The following RNF130 variants were observed in gnomAD, a reference collection of about 807,000 sequenced individuals.
RNF130 encodes the protein ring finger protein 130, also known as E3 ubiquitin-protein ligase RNF130.
A neutral mutation model predicts 44.6 loss-of-function variants in RNF130; 21 were observed. The observed-to-expected ratio is 0.47, with a 90% CI of 0.33 to 0.68. The LOEUF is 0.68. Among genes scored for constraint, RNF130 ranks in the 30% least tolerant of loss-of-function variants. The pLI is 0.02. For synonymous variants in RNF130, 214 were observed against 210.4 expected (o/e 1.02, Z -0.15); for missense variants, 479 against 560.6 (o/e 0.85, Z 1.47).
chr5:180,052,906 C>T (rs993951425), intron 1 of RNF130, among the ~76,000 whole-genome samples: 1 of 152,086 alleles, frequency 6.6e-6, no homozygotes, highest in Non-Finnish European at 1.5e-5. Flanking sequence ...TTAAAGTTCA[C>T]CTTAAATATA....
intron 5 of RNF130, among the ~76,000 whole-genome samples, chr5:179,971,029 A>C (rs1405445403): frequency 6.8e-6 from 1 of 147,198 alleles, no homozygotes; most frequent in East Asian, 1.9e-4. Flanking sequence ...AACTATTTTA[A>C]GGGGTAAACT....
rs202214188 is a variant in RNF130, at chr5:180,013,219, T to C, written c.535A>G (p.Ile179Val). Residue 179 changes from isoleucine (I) to valine (V), a missense_variant, in exon 3 of 9, where the codon ATA (isoleucine) becomes GTA (valine). Around this residue, in one of 3 missense-constraint regions of RNF130, gnomAD observed 180 missense variants for 275.1 expected, o/e 0.65. Coordinates refer to ENST00000521389, the MANE Select transcript of RNF130 (RefSeq NM_018434.6). ...LEKNISVQMT[I>V]AVGTRMPPKN... ...GGTGGCATTCGAGTTCCAACAGCTA[T>C]TGTCATTTGTACAGAGATGTTTTTC... 35 of 1,614,122 alleles carry C rather than the reference T, an allele frequency of 2.2e-5. No individual in the cohort carries two copies. The highest frequency in any genetic ancestry group is 2.7e-5 in the Non-Finnish European group (32 of 1,180,050).
At chr5:180,053,954 C>T (rs1384002159) in intron 1 of RNF130, among the ~76,000 whole-genome samples, 2 of 151,736 alleles carry the variant, frequency 1.3e-5, no homozygotes, top group Non-Finnish European at 2.9e-5. Context: ...TTTAGCCTCC[C>T]GAGTAGCTGG....
chr5:180,023,271 G>A (rs185738191), intron 2 of RNF130, among the ~76,000 whole-genome samples: 12 of 152,350 alleles, frequency 7.9e-5, no homozygotes, highest in Non-Finnish European at 1.6e-4. Flanking sequence ...ATACACGCAT[G>A]TATTTCCTTG....
intron 1 of RNF130, among the ~76,000 whole-genome samples, chr5:180,060,503 C>T (rs1764947422): frequency 6.6e-6 from 1 of 152,166 alleles, no homozygotes; most frequent in Admixed American, 6.5e-5. Flanking sequence ...AAACGGCCAT[C>T]CTTGAAGAGT....
At chr5:179,946,613 G>A (rs1036410704) in intron 7 of RNF130, among the ~76,000 whole-genome samples, 1 of 151,470 alleles carries the variant, frequency 6.6e-6, no homozygotes, top group Non-Finnish European at 1.5e-5. Context: ...GAGTGCAGTG[G>A]TGTGATCTTG....
At chr5:179,924,243 C>T (rs569356254) in intron 7 of RNF130, among the ~76,000 whole-genome samples, 1 of 152,156 alleles carries the variant, frequency 6.6e-6, no homozygotes, top group East Asian at 1.9e-4. Flanking sequence ...CGCCTGTAAT[C>T]CCAGCACTTT....
At chr5:179,994,110 G>A (rs1478971130) in intron 3 of RNF130, among the ~76,000 whole-genome samples, 1 of 152,206 alleles carries the variant, frequency 6.6e-6, no homozygotes, top group Non-Finnish European at 1.5e-5. Context: ...CCAGTACCAT[G>A]CTGTTCTGGT....
chr5:179,957,165 A>G (rs1013394808), intron 8 of RNF130, among the ~76,000 whole-genome samples: 3 of 152,192 alleles, frequency 2.0e-5, no homozygotes, highest in Admixed American at 6.5e-5. Flanking sequence ...TAATCCCAGC[A>G]CTTTGGGAGG....
At chr5:179,931,432 TC>T (rs1761806717) in intron 7 of RNF130, among the ~76,000 whole-genome samples, 5 of 152,206 alleles carry the variant, frequency 3.3e-5, no homozygotes, top group Admixed American at 6.5e-5. Context: ...TTGTTTTTTT[TC>T]TTTTTTGTTG....
intron 2 of RNF130, among the ~76,000 whole-genome samples, chr5:180,018,853 C>A (rs1763803734): frequency 6.6e-6 from 1 of 152,104 alleles, no homozygotes; most frequent in Admixed American, 6.5e-5. Flanking sequence ...ACCCTCTTGG[C>A]TTCCCTCCAC....
downstream of RNF130, among the ~76,000 whole-genome samples, chr5:179,951,337 C>A (rs190432020): frequency 3.3e-5 from 5 of 151,850 alleles, no homozygotes; most frequent in East Asian, 9.6e-4. Flanking sequence ...ATTAACTAGA[C>A]CTAACACACG....
chr5:180,063,445 G>A (rs545080915), intron 1 of RNF130, among the ~76,000 whole-genome samples: 1 of 152,180 alleles, frequency 6.6e-6, no homozygotes, highest in Non-Finnish European at 1.5e-5. Context: ...AAAGACTGGA[G>A]AGCAGTGGTA....
chr5:180,071,639 G>A lies in RNF130; in HGVS notation c.64C>T (p.Leu22=), dbSNP rs1765272517. The change falls in exon 1 of 9, where the codon CTG becomes TTG. Residue 22 remains leucine, a synonymous_variant. Transcript: ENST00000521389. ...GCGTTGTCTGCCCGTGCCGGCCACAGGCTGCAGGTCAGCAGGGCGAGCGCG... is the reference window on the plus strand; with the variant it reads ...GCGTTGTCTGCCCGTGCCGGCCACAAGCTGCAGGTCAGCAGGGCGAGCGCG... ...LAALALLTCS[L]WPARADNASQ... 2.0e-6 allele frequency: 3 copies of A among 1,496,310 alleles called. No homozygotes were observed. Among genetic ancestry groups the A allele is most frequent in the South Asian group, 1.3e-5 (1 of 78,962 alleles). 92.7% of individuals were successfully genotyped at this position (1,496,310 alleles called of 1,614,324 possible).
intron 6 of RNF130, among the ~76,000 whole-genome samples, chr5:179,968,331 G>A (rs566963612): frequency 3.3e-5 from 5 of 150,946 alleles, no homozygotes; most frequent in African/African-American, 7.3e-5. Flanking sequence ...GAAGGCGGCG[G>A]CTAGCGGTAA....
intron 7 of RNF130, among the ~76,000 whole-genome samples, chr5:179,936,726 T>C (rs181663840): frequency 6.6e-6 from 1 of 152,214 alleles, no homozygotes; most frequent in Admixed American, 6.5e-5. Context: ...AAGACTACTA[T>C]AAAATTACAG....
chr5:179,965,192 T>A (rs530774531), intron 7 of RNF130, among the ~76,000 whole-genome samples: 1 of 152,298 alleles, frequency 6.6e-6, no homozygotes, highest in Admixed American at 6.5e-5. Flanking sequence ...AACACCATCA[T>A]AAAACACCCA....
At chr5:180,012,212 A>C (rs1467534571) in intron 3 of RNF130, among the ~76,000 whole-genome samples, 1 of 152,216 alleles carries the variant, frequency 6.6e-6, no homozygotes, top group Non-Finnish European at 1.5e-5. Flanking sequence ...TTCCGCTAGA[A>C]AGAGGAAGGA....
intron 8 of RNF130, among the ~76,000 whole-genome samples, chr5:179,957,551 G>A (rs1341177937): frequency 6.6e-6 from 1 of 152,120 alleles, no homozygotes; most frequent in African/African-American, 2.4e-5. Context: ...ACATTATTTG[G>A]CACTATCCTC....
Sources: gnomAD v4.1 joint callset for allele counts (sites outside exome capture counted in the v4.1 genomes callset) on GRCh38, gnomAD v4.1.1 for gene constraint, gnomAD v4.1.1 regional missense constraint, MANE v1.5 for transcripts, NCBI Gene and HGNC (gene_info 2026-07-23, HGNC 2026-07-21) for gene names.